Variants in FARP2 observed in about 807,000 individuals in gnomAD.
FARP2 encodes the protein FERM, ARH/RhoGEF and pleckstrin domain protein 2, also known as FERM, ARHGEF and pleckstrin domain-containing protein 2.
FARP2 carries 111 observed loss-of-function variants against 130.5 expected under a neutral mutation model. That is an observed-to-expected ratio of 0.85 (90% CI 0.73 to 1.00). The LOEUF is 1.00. Among genes scored for constraint, FARP2 ranks in the 50% least tolerant of loss-of-function variants. The probability of loss-of-function intolerance (pLI) is 0.00; values close to 1 mark genes in which losing one functional copy is unlikely to be tolerated. For synonymous variants in FARP2, 504 were observed against 516.9 expected (o/e 0.98, Z 0.34); for missense variants, 1,385 against 1,346.3 (o/e 1.03, Z -0.45).
chr2:241,403,988 C>T, intron 3 of FARP2, 56 bp downstream of exon 3: 1 of 896,036 alleles, frequency 1.1e-6, no homozygotes, highest in Middle Eastern at 2.2e-4. Context: ...GTGATGACAG[C>T]CGCAAGATCT....
At chr2:241,357,738 C>T (rs2061100944) in intron 1 of FARP2, among the ~76,000 whole-genome samples, 1 of 152,180 alleles carries the variant, frequency 6.6e-6, no homozygotes, top group Non-Finnish European at 1.5e-5. Flanking sequence ...GCTGATGATG[C>T]AGTTTCCTGG....
chr2:241,468,890 A>C (rs2064240420), intron 18 of FARP2, among the ~76,000 whole-genome samples: 1 of 152,278 alleles, frequency 6.6e-6, no homozygotes, highest in Non-Finnish European at 1.5e-5. Context: ...AAGGGATAAA[A>C]GAGTAAACTC....
intron 2 of FARP2, among the ~76,000 whole-genome samples, chr2:241,384,686 G>A (rs1423908471): frequency 6.6e-6 from 1 of 152,122 alleles, no homozygotes; most frequent in Non-Finnish European, 1.5e-5. Flanking sequence ...CTTTTTGCAT[G>A]TATTGATATT....
chr2:241,460,773 CTGGTGGCAGAGCCACA>C (rs997512751), intron 14 of FARP2, among the ~76,000 whole-genome samples: 6 of 152,200 alleles, frequency 3.9e-5, no homozygotes, highest in Non-Finnish European at 8.8e-5. Context: ...GGGGGCTGAG[CTGGTGGCAGAGCCACA>C]TGGTGGCAGG....
intron 13 of FARP2, among the ~76,000 whole-genome samples, chr2:241,455,735 C>CTTTTTTT (rs1180839402): frequency 3.8e-4 from 36 of 94,776 alleles, no homozygotes; most frequent in East Asian, 1.0e-3. Flanking sequence ...CTAAAGTTTT[C>CTTTTTTT]TTTTTTTTTT....
At chr2:241,464,228 G>A (rs1016902673) in intron 17 of FARP2, among the ~76,000 whole-genome samples, 9 of 149,756 alleles carry the variant, frequency 6.0e-5, no homozygotes, top group African/African-American at 2.2e-4. Context: ...CCAGACCAGG[G>A]TCCCCCTCAG....
intron 15 of FARP2, 58 bp downstream of exon 15, chr2:241,462,670 CAG>C (rs767601140): frequency 1.7e-5 from 19 of 1,124,416 alleles, no homozygotes; most frequent in Non-Finnish European, 2.3e-5. Flanking sequence ...CATCTGAACA[CAG>C]AGAAATATCT....
In FARP2 at chr2:241,373,242, C is replaced by G. The variant is rs1381347688; in HGVS notation, c.135C>G (p.His45Gln). 3.9e-6 allele frequency: 6 copies of G among 1,546,422 alleles called. No homozygotes were observed. Among genetic ancestry groups the G allele is most frequent in the Non-Finnish European group, 5.3e-6 (6 of 1,139,868 alleles). The change falls in exon 2 of 27, where the codon CAC (histidine) becomes CAG (glutamine). Residue 45 changes from histidine (H) to glutamine (Q), a missense_variant. Physicochemically the swap from His to Gln is conservative, Grantham distance 24 (BLOSUM62 0). Coordinates refer to ENST00000264042, the MANE Select transcript of FARP2 (RefSeq NM_014808.4). ...CCAGAATGCAAGAGAAGCACCTGCACCTCAGAGTAAAGCTGCTGGACAACA... is the reference window on the plus strand; with the variant it reads ...CCAGAATGCAAGAGAAGCACCTGCAGCTCAGAGTAAAGCTGCTGGACAACA... Reference protein sequence around the residue: ...LLPRMQEKHLHLRVKLLDNTM... With the variant: ...LLPRMQEKHLQLRVKLLDNTM...
In FARP2 at chr2:241,463,902, A is replaced by G; in HGVS notation, c.1815A>G (p.Glu605=). 6.2e-7 allele frequency: 1 copy of G among 1,613,450 alleles called. No homozygotes were observed. Among genetic ancestry groups the G allele is most frequent in the Non-Finnish European group, 8.5e-7 (1 of 1,179,402 alleles). ...GACTTTGTTTCTTTTTACTCAGGGA[A>G]GGGCCCTCCAAAGCCCACACAAAAG... is the stretch of plus-strand genomic sequence containing the variant. ...REVEQRLALW[E]GPSKAHTKGS... is the part of the protein sequence containing the mutation. Residue 605 remains glutamate, a synonymous_variant, in exon 17 of 27, where the codon GAA becomes GAG. Coordinates refer to ENST00000264042, the MANE Select transcript of FARP2 (RefSeq NM_014808.4).
At chr2:241,368,258 C>T (rs912668607) in intron 1 of FARP2, among the ~76,000 whole-genome samples, 3 of 152,084 alleles carry the variant, frequency 2.0e-5, no homozygotes, top group African/African-American at 7.3e-5. Context: ...ATTTCATTCA[C>T]GTTGAAAGAA....
At chr2:241,437,725 C>T (rs573823889) in intron 12 of FARP2, among the ~76,000 whole-genome samples, 103 of 148,294 alleles carry the variant, frequency 6.9e-4, no homozygotes, top group Non-Finnish European at 1.2e-3. Flanking sequence ...AGTATAGTGG[C>T]GCGATCTCGG....
intron 2 of FARP2, among the ~76,000 whole-genome samples, chr2:241,399,009 A>C (rs1298075620): frequency 1.3e-5 from 2 of 152,186 alleles, no homozygotes; most frequent in Admixed American, 6.5e-5. Flanking sequence ...GAGATAATAC[A>C]AATTTACAGT....
intron 8 of FARP2, among the ~76,000 whole-genome samples, chr2:241,425,332 A>G (rs1253633106): frequency 6.6e-6 from 1 of 152,184 alleles, no homozygotes; most frequent in African/African-American, 2.4e-5. Flanking sequence ...TTGATAAATG[A>G]GATTTAATTA....
At chr2:241,458,173 G>A (rs570314508) in intron 14 of FARP2, among the ~76,000 whole-genome samples, 3 of 152,228 alleles carry the variant, frequency 2.0e-5, no homozygotes, top group African/African-American at 7.2e-5. Flanking sequence ...TAAAAGAAAA[G>A]ACTCAGGGTC....
intron 12 of FARP2, among the ~76,000 whole-genome samples, chr2:241,439,065 C>CGATA (rs922686014): frequency 6.6e-6 from 1 of 151,618 alleles, no homozygotes; most frequent in Non-Finnish European, 1.5e-5. Context: ...CTCACTCTAT[C>CGATA]ATCTCGGCTG....
chr2:241,428,234 CTT>C (rs11397989), intron 8 of FARP2, among the ~76,000 whole-genome samples: 7 of 124,952 alleles, frequency 5.6e-5, no homozygotes, highest in Non-Finnish European at 9.7e-5. Flanking sequence ...CAATATTTTA[CTT>C]TTTTTTTTTT....
chr2:241,490,169 TTGACTC>T (rs2064858187), intron 22 of FARP2, 125 bp downstream of exon 22: 2 of 694,822 alleles, frequency 2.9e-6, no homozygotes, highest in Non-Finnish European at 5.1e-6. Context: ...TGTGCCCCCT[TTGACTC>T]TGAGCTCTGC....
intron 2 of FARP2, among the ~76,000 whole-genome samples, chr2:241,394,346 A>T (rs956686360): frequency 6.6e-6 from 1 of 151,894 alleles, no homozygotes; most frequent in African/African-American, 2.4e-5. Context: ...GTGAAACCCC[A>T]TCTCTACTAA....
Position 241,463,739 on chromosome 2 carries a change from G to C in FARP2, c.1812-160G>C, listed in dbSNP as rs976216860. 28 of 695,710 alleles carry C rather than the reference G, an allele frequency of 4.0e-5. No individual in the cohort carries two copies. The African/African-American group carries it at 4.5e-4, about 11-fold the overall frequency. The allele number at this position is 695,710 out of a possible 1,614,324, so 43.1% of individuals were successfully genotyped here. On this transcript the variant is annotated intron_variant, in intron 16 of 26. Coordinates refer to ENST00000264042, the MANE Select transcript of FARP2 (RefSeq NM_014808.4). ...GAGAATGGCCAGACACATAATAGCA[G>C]CTTCCATCCAGGGCAGGCCCTGCCC... is the stretch of plus-strand genomic sequence containing the variant.
Sources: gnomAD v4.1 joint callset for allele counts (sites outside exome capture counted in the v4.1 genomes callset) on GRCh38, gnomAD v4.1.1 for gene constraint, MANE v1.5 for transcripts, NCBI Gene and HGNC (gene_info 2026-07-23, HGNC 2026-07-21) for gene names.